Variants in PPP1R14C observed in about 807,000 individuals in gnomAD.
PPP1R14C encodes the protein protein phosphatase 1 regulatory inhibitor subunit 14C.
PPP1R14C carries 16 observed loss-of-function variants against 20.4 expected under a neutral mutation model. The observed-to-expected ratio is 0.78, with a 90% CI of 0.53 to 1.19. PPP1R14C has a LOEUF of 1.19. Ranked by LOEUF, PPP1R14C falls within the 50% of genes most tolerant of loss-of-function variation. The probability of loss-of-function intolerance (pLI) is 0.00; values close to 1 mark genes in which losing one functional copy is unlikely to be tolerated. For missense variants in PPP1R14C, 211 were observed against 220.1 expected (o/e 0.96, Z 0.26); for synonymous variants, 91 against 91.0 (o/e 1.00, Z 0.00).
chr6:150,152,539 C>T (rs1777261101), intron 1 of PPP1R14C, among the ~76,000 whole-genome samples: 1 of 152,142 alleles, frequency 6.6e-6, no homozygotes, highest in East Asian at 1.9e-4. Context: ...AGCTGAGTCC[C>T]TAAGGCAGCT....
intron 1 of PPP1R14C, among the ~76,000 whole-genome samples, chr6:150,181,677 A>G (rs1322023120): frequency 6.6e-6 from 1 of 152,272 alleles, no homozygotes; most frequent in Non-Finnish European, 1.5e-5. Context: ...TAAACATAGT[A>G]AGATGCCTTT....
intron 3 of PPP1R14C, among the ~76,000 whole-genome samples, chr6:150,219,221 T>TTTA (rs71898538): frequency 0.065 from 9,772 of 151,162 alleles, 413 homozygotes; most frequent in East Asian, 0.19. Context: ...AATCCTTGCC[T>TTTA]TTATTATTAT....
chr6:150,147,407 T>G (rs112353388), intron 1 of PPP1R14C, among the ~76,000 whole-genome samples: 6,166 of 152,190 alleles, frequency 0.041, 446 homozygotes, highest in African/African-American at 0.14. Flanking sequence ...CTCGAACTCC[T>G]GATCTCATGA....
intron 3 of PPP1R14C, among the ~76,000 whole-genome samples, chr6:150,217,336 C>T (rs939798769): frequency 2.6e-5 from 4 of 151,964 alleles, no homozygotes; most frequent in African/African-American, 9.7e-5. Flanking sequence ...GCTGGGATTA[C>T]AGACGTGCGT....
At chr6:150,170,964 G>A (rs1336228181) in intron 1 of PPP1R14C, among the ~76,000 whole-genome samples, 1 of 151,980 alleles carries the variant, frequency 6.6e-6, no homozygotes, top group Non-Finnish European at 1.5e-5. Context: ...TAGATTCACA[G>A]TAAAATTGAG....
At chr6:150,218,826 T>C (rs1365332910) in intron 3 of PPP1R14C, among the ~76,000 whole-genome samples, 2 of 151,960 alleles carry the variant, frequency 1.3e-5, no homozygotes, top group African/African-American at 4.8e-5. Flanking sequence ...ATTATTTTTA[T>C]TTTTTTATAG....
intron 3 of PPP1R14C, among the ~76,000 whole-genome samples, chr6:150,233,206 A>G (rs1778313790): frequency 1.3e-5 from 2 of 152,200 alleles, no homozygotes; most frequent in African/African-American, 2.4e-5. Flanking sequence ...GCATTTAATC[A>G]GCAGGTGGTG....
At chr6:150,163,923 C>T (rs897575860) in intron 1 of PPP1R14C, among the ~76,000 whole-genome samples, 6 of 152,072 alleles carry the variant, frequency 3.9e-5, no homozygotes, top group Non-Finnish European at 2.9e-5. Context: ...TTATAGAGTA[C>T]GTGTATATTC....
intron 1 of PPP1R14C, among the ~76,000 whole-genome samples, chr6:150,165,721 T>C (rs1562259179): frequency 6.6e-6 from 1 of 152,238 alleles, no homozygotes; most frequent in African/African-American, 2.4e-5. Context: ...GTTATAGTTA[T>C]TTAAAATTTT....
intron 3 of PPP1R14C, among the ~76,000 whole-genome samples, chr6:150,225,359 C>A (rs1778219205): frequency 6.6e-6 from 1 of 152,142 alleles, no homozygotes; most frequent in Non-Finnish European, 1.5e-5. Context: ...GAATTTTTAT[C>A]TCTAAAACTT....
intron 1 of PPP1R14C, chr6:150,195,182 A>G (rs1256426196): frequency 3.1e-6 from 3 of 983,602 alleles, no homozygotes; most frequent in South Asian, 4.7e-5. Context: ...AAGCCTAAGC[A>G]TTTTACATGG....
chr6:150,173,323 T>C (rs954077957), intron 1 of PPP1R14C, among the ~76,000 whole-genome samples: 1 of 151,786 alleles, frequency 6.6e-6, no homozygotes, highest in African/African-American at 2.4e-5. Flanking sequence ...TAATCTGGTC[T>C]CTTATCCTTA....
intron 3 of PPP1R14C, among the ~76,000 whole-genome samples, chr6:150,229,651 G>A (rs1778269423): frequency 6.6e-6 from 1 of 152,084 alleles, no homozygotes; most frequent in Admixed American, 6.5e-5. Context: ...GAAAATAAGT[G>A]GACAAACATC....
intron 1 of PPP1R14C, among the ~76,000 whole-genome samples, chr6:150,188,737 A>C (rs1777707343): frequency 6.6e-6 from 1 of 151,866 alleles, no homozygotes; most frequent in African/African-American, 2.4e-5. Flanking sequence ...CCACCCGCCT[A>C]GGCCTCCCAA....
intron 1 of PPP1R14C, among the ~76,000 whole-genome samples, chr6:150,191,754 G>C (rs959685047): frequency 1.3e-5 from 2 of 152,210 alleles, no homozygotes; most frequent in African/African-American, 4.8e-5. Context: ...GCATCTCAGA[G>C]AGTATAGGGG....
chr6:150,180,340 G>GTA (rs1392895496), intron 1 of PPP1R14C, among the ~76,000 whole-genome samples: 1 of 152,250 alleles, frequency 6.6e-6, no homozygotes, highest in Admixed American at 6.5e-5. Flanking sequence ...ATTGGTACAA[G>GTA]TGTTGGCCTC....
chr6:150,152,448 C>T (rs773658915), intron 1 of PPP1R14C, among the ~76,000 whole-genome samples: 39 of 152,138 alleles, frequency 2.6e-4, no homozygotes, highest in Non-Finnish European at 5.3e-4. Flanking sequence ...CCCCTTAGCA[C>T]GTGACCAGGG....
At chr6:150,184,665 CTT>C (rs1777658272) in intron 1 of PPP1R14C, among the ~76,000 whole-genome samples, 1 of 152,158 alleles carries the variant, frequency 6.6e-6, no homozygotes, top group African/African-American at 2.4e-5. Context: ...AGTGGCCTCT[CTT>C]TTGCCCTCAG....
intron 1 of PPP1R14C, among the ~76,000 whole-genome samples, chr6:150,182,738 A>G (rs545430502): frequency 1.3e-3 from 203 of 152,368 alleles, no homozygotes; most frequent in African/African-American, 4.6e-3. Context: ...AAGTAGGTAC[A>G]ATAGCCAGCC....
Sources: allele counts gnomAD v4.1 joint callset (sites outside exome capture counted in the v4.1 genomes callset), GRCh38; gene constraint gnomAD v4.1.1; transcripts MANE v1.5; gene names NCBI Gene and HGNC (gene_info 2026-07-23, HGNC 2026-07-21).